Variants in PBX1 observed in about 807,000 individuals in gnomAD.
PBX1 encodes PBX homeobox 1, also known as pre-B-cell leukemia transcription factor 1.
A neutral mutation model predicts 53.4 loss-of-function variants in PBX1; 6 were observed. The observed-to-expected ratio is 0.11, with a 90% confidence interval of 0.06 to 0.22. The LOEUF is 0.22. Ranked by LOEUF, PBX1 falls within the 10% of genes least tolerant of loss-of-function variation. PBX1 has a pLI of 1.00. For missense variants in PBX1, 251 were observed against 551.4 expected (o/e 0.46, Z 5.46); for synonymous variants, 204 against 212.3 (o/e 0.96, Z 0.34).
chr1:164,856,405 A>G (rs184566210), downstream of PBX1, among the ~76,000 whole-genome samples: 257 of 152,264 alleles, frequency 1.7e-3, 10 homozygotes, highest in Admixed American at 0.015. Context: ...TCTGTCTTGC[A>G]TAGGGCTCAC....
rs531094575 is a variant in PBX1 at position 164,724,976 on chromosome 1, G to A, written c.266-67518G>A. On this transcript the variant is annotated intron_variant, in intron 2 of 8. Coordinates refer to ENST00000420696, the MANE Select transcript of PBX1 (RefSeq NM_002585.4). ...TGTCTTTTTAAAGATGCCTATACAG[G>A]TGGGTCCTTTTTCGGTTTTTGAATG... 1.0e-3 allele frequency among the ~76,000 whole-genome samples: 153 copies of A among 152,150 alleles called. No individual in the cohort carries two copies. In the Middle Eastern group the frequency reaches 0.01, roughly 10 times the overall value.
At chr1:164,577,191 G>A (rs1196999100) in intron 2 of PBX1, among the ~76,000 whole-genome samples, 2 of 152,140 alleles carry the variant, frequency 1.3e-5, no homozygotes, top group African/African-American at 2.4e-5. Flanking sequence ...GCTCTTACAG[G>A]GAGTGCGTCA....
chr1:164,635,754 T>C (rs1465908275), intron 2 of PBX1, among the ~76,000 whole-genome samples: 1 of 152,256 alleles, frequency 6.6e-6, no homozygotes, highest in Non-Finnish European at 1.5e-5. Flanking sequence ...ACATAACAGA[T>C]TTTGATTCCG....
chr1:164,765,220 A>G (rs2789444), intron 2 of PBX1, among the ~76,000 whole-genome samples: 64,280 of 152,036 alleles, frequency 0.42, 14,673 homozygotes, highest in Middle Eastern at 0.52. Context: ...TACTTCCATG[A>G]TTTTTGTCTC....
chr1:164,592,388 G>A (rs1456663600), intron 2 of PBX1, among the ~76,000 whole-genome samples: 2 of 152,210 alleles, frequency 1.3e-5, no homozygotes, highest in African/African-American at 4.8e-5. Context: ...CTGCAAATTT[G>A]CCTAGTAGCC....
intron 2 of PBX1, among the ~76,000 whole-genome samples, chr1:164,736,171 C>T (rs2102151837): frequency 1.3e-5 from 2 of 152,320 alleles, no homozygotes; most frequent in African/African-American, 4.8e-5. Context: ...TCCCTTCACC[C>T]TGACTACTTC....
At chr1:164,876,629 A>G (rs1672518261) in intron 2 of PBX1, among the ~76,000 whole-genome samples, 1 of 151,978 alleles carries the variant, frequency 6.6e-6, no homozygotes, top group Non-Finnish European at 1.5e-5. Context: ...TATCTCATTT[A>G]TCCTCCAGGC....
downstream of PBX1, among the ~76,000 whole-genome samples, chr1:164,852,251 T>C (rs953497801): frequency 8.5e-5 from 13 of 152,178 alleles, no homozygotes; most frequent in African/African-American, 3.1e-4. Context: ...CCAAGAGATA[T>C]TTCAGGGGAA....
intron 2 of PBX1, among the ~76,000 whole-genome samples, chr1:164,722,625 C>T (rs1405408206): frequency 1.3e-5 from 2 of 152,192 alleles, no homozygotes; most frequent in African/African-American, 4.8e-5. Flanking sequence ...CCTCCTCTCT[C>T]TTCCCCTCCT....
chr1:164,809,520 A>T (rs1183695071), intron 5 of PBX1, among the ~76,000 whole-genome samples: 1 of 152,194 alleles, frequency 6.6e-6, no homozygotes, highest in Non-Finnish European at 1.5e-5. Flanking sequence ...CCTATTTTTG[A>T]CAAGAGTCAA....
At chr1:164,667,432 GTATA>G (rs761257756) in intron 2 of PBX1, among the ~76,000 whole-genome samples, 1 of 149,684 alleles carries the variant, frequency 6.7e-6, no homozygotes, top group Admixed American at 6.7e-5. Flanking sequence ...GTGTGTGTGT[GTATA>G]TATGTATAGC....
chr1:164,879,250 G>T (rs1035787417), intron 2 of PBX1, among the ~76,000 whole-genome samples: 2 of 152,188 alleles, frequency 1.3e-5, no homozygotes, highest in South Asian at 2.1e-4. Flanking sequence ...GATTGGCACA[G>T]AATTCACCTT....
chr1:164,737,350 G>T (rs1056497573), intron 2 of PBX1, among the ~76,000 whole-genome samples: 1 of 152,134 alleles, frequency 6.6e-6, no homozygotes, highest in African/African-American at 2.4e-5. Flanking sequence ...GAGTTTTTCA[G>T]TATTGATATC....
At chr1:164,667,380 A>G (rs991883191) in intron 2 of PBX1, among the ~76,000 whole-genome samples, 1 of 147,310 alleles carries the variant, frequency 6.8e-6, no homozygotes, top group Non-Finnish European at 1.5e-5. Flanking sequence ...TATAATGTAT[A>G]TAACATGTAT....
intron 2 of PBX1, among the ~76,000 whole-genome samples, chr1:164,573,280 T>G (rs1653996915): frequency 6.6e-6 from 1 of 152,110 alleles, no homozygotes; most frequent in Admixed American, 6.5e-5. Context: ...TTTAATGATT[T>G]AAATTTTTTA....
chr1:164,603,678 A>G (rs866681226), intron 2 of PBX1, among the ~76,000 whole-genome samples: 3 of 152,206 alleles, frequency 2.0e-5, no homozygotes, highest in Non-Finnish European at 4.4e-5. Context: ...ACCAAACATC[A>G]TTTCTACTCA....
chr1:164,773,236 AAC>A (rs1193168258), intron 2 of PBX1, among the ~76,000 whole-genome samples: 1 of 48,050 alleles, frequency 2.1e-5, no homozygotes, highest in African/African-American at 1.0e-4. Flanking sequence ...GCATATAGGT[AAC>A]ACGCGCACAC....
intron 2 of PBX1, among the ~76,000 whole-genome samples, chr1:164,608,949 A>G (rs1437292116): frequency 6.6e-6 from 1 of 152,148 alleles, no homozygotes; most frequent in Non-Finnish European, 1.5e-5. Flanking sequence ...ATCTCTTAGG[A>G]ATTGTGGAGA....
At chr1:164,724,237 CCAAACATT>C (rs1664561559) in intron 2 of PBX1, among the ~76,000 whole-genome samples, 1 of 152,166 alleles carries the variant, frequency 6.6e-6, no homozygotes, top group Non-Finnish European at 1.5e-5. Flanking sequence ...TAAGTCAAAT[CCAAACATT>C]CAGGAACTCT....
Sources: gnomAD v4.1 joint callset for allele counts (sites outside exome capture counted in the v4.1 genomes callset) on GRCh38, gnomAD v4.1.1 for gene constraint, MANE v1.5 for transcripts, NCBI Gene and HGNC (gene_info 2026-07-23, HGNC 2026-07-21) for gene names.